Variants in HDLBP observed in about 807,000 individuals in gnomAD.
HDLBP encodes vigilin.
Under a neutral mutation model 137.3 loss-of-function variants are expected in HDLBP, and 30 were observed. The observed-to-expected ratio is 0.22, with a 90% CI of 0.16 to 0.30. The LOEUF (loss-of-function observed/expected upper bound fraction) is 0.30, where lower values mean the gene tolerates loss of function less well. Among genes scored for constraint, HDLBP ranks in the 10% least tolerant of loss-of-function variants. The pLI, the probability that HDLBP is intolerant of heterozygous loss-of-function variation, is 1.00. For synonymous variants in HDLBP, 606 were observed against 596.0 expected, an observed-to-expected ratio of 1.02 and a Z score of -0.24; for missense variants, 1,119 against 1,667.3, an observed-to-expected ratio of 0.67 and a Z score of 5.73.
chr2:241,264,577 G>C lies in HDLBP; in HGVS notation c.105C>G (p.Ser35Arg). The change falls in exon 4 of 28, where the codon AGC becomes AGG. Residue 35 changes from serine (S) to arginine (R), a missense_variant. Ser to Arg is a moderately radical substitution (Grantham distance 110). Transcript: ENST00000310931. ...KVATLNSEEE[S>R]DPPTYKDAFP... ...AGGCATCCTTGTAGGTTGGAGGGTC[G>C]CTCTCCTCTTCTGAATTTAGAGTGG... The C allele has an allele frequency of 1.9e-6, 3 of 1,613,664 alleles. No individual in the cohort carries two copies. Among genetic ancestry groups the C allele is most frequent in the Non-Finnish European group, 2.5e-6 (3 of 1,179,856 alleles).
chr2:241,252,934 C>A (rs372675372), intron 11 of HDLBP, 23 bp downstream of exon 11: 33 of 1,569,100 alleles, frequency 2.1e-5, no homozygotes, highest in Non-Finnish European at 2.8e-5. Context: ...ACTGGCCCCA[C>A]CGCAACAGAC....
chr2:241,295,109 A>G (rs1013567583), intron 1 of HDLBP, among the ~76,000 whole-genome samples: 2 of 152,188 alleles, frequency 1.3e-5, no homozygotes, highest in East Asian at 3.8e-4. Context: ...CTCAAAGAAA[A>G]AAAGGACAAA....
intron 1 of HDLBP, among the ~76,000 whole-genome samples, chr2:241,278,233 G>C (rs2074467736): frequency 6.6e-6 from 1 of 152,164 alleles, no homozygotes; most frequent in Non-Finnish European, 1.5e-5. Flanking sequence ...GAAAAACAGA[G>C]TAAAGTTACT....
In HDLBP at chr2:241,272,688, C is replaced by G; in HGVS notation, c.-102-4147G>C. 1 of 765,836 alleles carries G rather than the reference C, an allele frequency of 1.3e-6. No homozygotes were observed. The highest frequency in any genetic ancestry group is 1.6e-6 in the Non-Finnish European group (1 of 634,662). 47.4% of individuals were successfully genotyped at this position (765,836 alleles called of 1,614,324 possible). A position where few individuals can be genotyped will look rare whatever the true frequency, so the allele number is the denominator to read the frequency against. On this transcript the variant is annotated intron_variant, in intron 1 of 27. Coordinates refer to ENST00000310931, the MANE Select transcript of HDLBP (RefSeq NM_005336.6). The surrounding 1 kb of genome is among the most constrained non-coding windows in gnomAD (Gnocchi z 5.6). ...CTCCACGTCAGCAGCCACCCCCCAC[C>G]CCCCCGCCCGGCAGCCCGCCCGCCC... is the stretch of plus-strand genomic sequence containing the variant.
intron 1 of HDLBP, among the ~76,000 whole-genome samples, chr2:241,281,391 C>T (rs959567670): frequency 3.3e-5 from 5 of 152,038 alleles, no homozygotes; most frequent in African/African-American, 1.2e-4. Context: ...CATGGTGGCA[C>T]GTGCCTGTAA....
intron 1 of HDLBP, among the ~76,000 whole-genome samples, chr2:241,299,505 CAAAAAAAAAAAAA>C: frequency 2.0e-5 from 1 of 49,594 alleles, no homozygotes; most frequent in East Asian, 9.8e-4. Context: ...GGCTCCGTCT[CAAAAAAAAAAAAA>C]AAAAAAAAAA....
chr2:241,241,561 C>T (rs1225736864), intron 17 of HDLBP, among the ~76,000 whole-genome samples: 54 of 88,858 alleles, frequency 6.1e-4, no homozygotes, highest in Admixed American at 7.7e-4. Context: ...AGCAAGACTC[C>T]GTCTCAAAAA....
rs1405381097 is a variant in HDLBP at position 241,272,659 on chromosome 2, C to A, written c.-102-4118G>T. ...CGGCACCCGGGCCCCTCCCCCTCCG[C>A]GGCCTCCACGTCAGCAGCCACCCCC... On this transcript the variant is annotated intron_variant, in intron 1 of 27. Coordinates refer to ENST00000310931, the MANE Select transcript of HDLBP (RefSeq NM_005336.6). This position sits in a 1 kb window ranked among gnomAD's most constrained non-coding sequence, Gnocchi z 5.6. 1.8e-5 allele frequency: 17 copies of A among 922,582 alleles called. No homozygotes were observed. The highest frequency in any genetic ancestry group is 2.2e-5 in the Non-Finnish European group (17 of 776,070). The allele number at this position is 922,582 out of a possible 1,614,324, so 57.1% of individuals were successfully genotyped here. A position where few individuals can be genotyped will look rare whatever the true frequency, so the allele number is the denominator to read the frequency against.
Position 241,230,286 on chromosome 2 carries a change from A to C in HDLBP, c.3475-17T>G, listed in dbSNP as rs756220319. 52 of 1,470,650 alleles carry C rather than the reference A, an allele frequency of 3.5e-5. No homozygotes were observed. Among genetic ancestry groups the C allele is most frequent in the Non-Finnish European group, 4.8e-5 (51 of 1,068,274 alleles). 91.1% of individuals were successfully genotyped at this position (1,470,650 alleles called of 1,614,324 possible). On this transcript the variant is annotated splice_polypyrimidine_tract_variant and intron_variant, in intron 25 of 27. Coordinates refer to ENST00000310931, the MANE Select transcript of HDLBP (RefSeq NM_005336.6). This position sits in a 1 kb window ranked among gnomAD's most constrained non-coding sequence, Gnocchi z 5.0. ...AATGTCCACCTGGAAGGGGTGTACA[A>C]CGTCAGATGAGGGGACTCCAAGCGA...
chr2:241,304,630 G>C (rs1041225765), intron 1 of HDLBP, among the ~76,000 whole-genome samples: 1 of 152,202 alleles, frequency 6.6e-6, no homozygotes, highest in Non-Finnish European at 1.5e-5. Flanking sequence ...AATGCCAATT[G>C]AATCAATGAA....
Position 241,242,457 on chromosome 2 carries a change from C to T in HDLBP, c.2169+3G>A. The T allele has an allele frequency of 6.2e-7, 1 of 1,612,752 alleles. No individual in the cohort carries two copies. The highest frequency in any genetic ancestry group is 1.1e-5 in the South Asian group (1 of 91,008). The stretch of plus-strand genomic sequence containing the variant: ...AAGAGTCACGCTCCCTCCCCATGCT[C>T]ACCTTCTCCTCCGCCAGATGCAGGA... On this transcript the variant is annotated splice_donor_region_variant and intron_variant, in intron 17 of 27. Coordinates refer to ENST00000310931, the MANE Select transcript of HDLBP (RefSeq NM_005336.6).
At chr2:241,256,109 C>A in intron 7 of HDLBP, 75 bp downstream of exon 7, 1 of 1,267,066 alleles carries the variant, frequency 7.9e-7, no homozygotes. Flanking sequence ...AGAACCAGGC[C>A]TTAACTGAAT....
chr2:241,301,457 G>C (rs2075393762), intron 1 of HDLBP, among the ~76,000 whole-genome samples: 1 of 152,126 alleles, frequency 6.6e-6, no homozygotes, highest in Non-Finnish European at 1.5e-5. Flanking sequence ...AAAATTAAGA[G>C]TAATATACAC....
At chr2:241,269,887 C>T (rs183287423) in intron 1 of HDLBP, among the ~76,000 whole-genome samples, 10 of 152,228 alleles carry the variant, frequency 6.6e-5, no homozygotes, top group Non-Finnish European at 1.3e-4. Flanking sequence ...CCACCCTCCG[C>T]CCTCCCACGC....
chr2:241,258,340 C>A (rs537468202), intron 5 of HDLBP, among the ~76,000 whole-genome samples: 1 of 126,224 alleles, frequency 7.9e-6, no homozygotes, highest in East Asian at 2.1e-4. Flanking sequence ...GAGCAAGACT[C>A]CGTCTCAAAA....
chr2:241,251,806 C>T (rs1006650123), intron 11 of HDLBP, among the ~76,000 whole-genome samples: 1 of 152,114 alleles, frequency 6.6e-6, no homozygotes, highest in African/African-American at 2.4e-5. Context: ...GAAATTCCAT[C>T]TCTACTAAAA....
At chr2:241,257,467 G>A (rs2072740156) in intron 5 of HDLBP, among the ~76,000 whole-genome samples, 1 of 152,166 alleles carries the variant, frequency 6.6e-6, no homozygotes, top group African/African-American at 2.4e-5. Context: ...TCCTGACCTT[G>A]TGATCCGCCC....
intron 11 of HDLBP, among the ~76,000 whole-genome samples, chr2:241,251,337 G>A (rs1404101810): frequency 4.6e-5 from 7 of 152,192 alleles, no homozygotes; most frequent in Non-Finnish European, 1.0e-4. Context: ...TTCAAGTAGT[G>A]CGCAAAAAGG....
At chr2:241,302,162 G>A (rs1559556138) in intron 1 of HDLBP, among the ~76,000 whole-genome samples, 1 of 152,112 alleles carries the variant, frequency 6.6e-6, no homozygotes, top group Non-Finnish European at 1.5e-5. Flanking sequence ...GGAGGCGGAG[G>A]CAAAAGGATC....
Sources: gnomAD v4.1 joint callset for allele counts (sites outside exome capture counted in the v4.1 genomes callset) on GRCh38, gnomAD v4.1.1 for gene constraint, Gnocchi (gnomAD v3.1) non-coding constraint, MANE v1.5 for transcripts, NCBI Gene and HGNC (gene_info 2026-07-23, HGNC 2026-07-21) for gene names.